Variants in ITGA6 observed in about 807,000 individuals in gnomAD.
ITGA6 encodes the protein integrin alpha-6.
Under a neutral mutation model 133.6 loss-of-function variants are expected in ITGA6, and 63 were observed. The ratio of observed to expected loss-of-function variants is 0.47; its 90% CI spans 0.38 to 0.58. ITGA6 has a LOEUF of 0.58. Among genes scored for constraint, ITGA6 ranks in the 20% least tolerant of loss-of-function variants. The probability of loss-of-function intolerance (pLI) is 0.00; values close to 1 mark genes in which losing one functional copy is unlikely to be tolerated. For synonymous variants in ITGA6, 434 were observed against 482.0 expected (o/e 0.90, Z 1.30); for missense variants, 1,068 against 1,309.4 (o/e 0.82, Z 2.85).
At chr2:172,479,944 C>A in intron 10 of ITGA6, 46 bp from the exon 11 acceptor site, 1 of 1,343,656 alleles carries the variant, frequency 7.4e-7, no homozygotes, top group Non-Finnish European at 1.1e-6. Context: ...GTTTTTTCCA[C>A]TGCAATAATG....
Position 172,501,827 on chromosome 2 carries a change from C to CT in ITGA6, c.3171dup (p.Glu1058Ter). ...CATTATGATGCCACATATCACAAGGCTGAGATCCATGCTCAGCCATCTGAT... is the reference window on the plus strand; with the variant it reads ...CATTATGATGCCACATATCACAAGGCTTGAGATCCATGCTCAGCCATCTGAT... On this transcript the variant is annotated frameshift_variant, in exon 25 of 26. Coordinates refer to ENST00000684293, the MANE Select transcript of ITGA6 (RefSeq NM_000210.4). LOFTEE classifies it high-confidence loss of function. 1.2e-6 allele frequency: 2 copies of CT among 1,611,920 alleles called. No individual in the cohort carries two copies. Among genetic ancestry groups the CT allele is most frequent in the Non-Finnish European group, 1.7e-6 (2 of 1,178,552 alleles).
chr2:172,496,132 C>A (rs1478427197), intron 23 of ITGA6, among the ~76,000 whole-genome samples: 2 of 152,312 alleles, frequency 1.3e-5, no homozygotes, highest in Admixed American at 1.3e-4. Flanking sequence ...GTCAGCTTAC[C>A]AACCACGTAA....
chr2:172,497,219 G>A (rs943913205), intron 23 of ITGA6, among the ~76,000 whole-genome samples: 1 of 152,116 alleles, frequency 6.6e-6, no homozygotes, highest in African/African-American at 2.4e-5. Flanking sequence ...TTAAAAGAAA[G>A]TATAGGCCAG....
chr2:172,450,661 G>A, intron 1 of ITGA6, among the ~76,000 whole-genome samples: 1 of 151,916 alleles, frequency 6.6e-6, no homozygotes, highest in Non-Finnish European at 1.5e-5. Context: ...CATTTAGTAA[G>A]ATAGAGAAGG....
At chr2:172,449,239 A>ATGAAGATACTTACCCCC (rs1430245949) in intron 1 of ITGA6, among the ~76,000 whole-genome samples, 1 of 152,206 alleles carries the variant, frequency 6.6e-6, no homozygotes, top group Admixed American at 6.5e-5. Flanking sequence ...ATTTTCTAGA[A>ATGAAGATACTTACCCCC]TGAAGATACT....
chr2:172,453,025 G>C (rs16860418), intron 1 of ITGA6, among the ~76,000 whole-genome samples: 1 of 152,118 alleles, frequency 6.6e-6, no homozygotes, highest in Non-Finnish European at 1.5e-5. Flanking sequence ...GGTGGGCCCC[G>C]TCACAGCATA....
Position 172,506,112 on chromosome 2 carries a change from T to TA in ITGA6, c.*2045dup, listed in dbSNP as rs2149113298. The stretch of plus-strand genomic sequence containing the variant: ...GCATTTGATACATTTTTGTACTAAC[T>TA]AGCATTGTAAAATTATTTCATGATT... On this transcript the variant is annotated 3_prime_UTR_variant, in exon 26 of 26. Transcript: ENST00000684293. The TA allele has an allele frequency of 6.5e-6, 1 of 152,778 alleles. No homozygotes were observed. Among genetic ancestry groups the TA allele is most frequent in the African/African-American group, 2.4e-5 (1 of 41,580 alleles). The allele number at this position is 152,778 out of a possible 1,614,324, so 9.5% of individuals were successfully genotyped here.
At chr2:172,431,741 C>A (rs940733860) in intron 1 of ITGA6, among the ~76,000 whole-genome samples, 1 of 152,082 alleles carries the variant, frequency 6.6e-6, no homozygotes, top group Non-Finnish European at 1.5e-5. Context: ...AAACGGGCAG[C>A]GAGACTTACA....
chr2:172,476,020 C>G (rs1559141037), intron 8 of ITGA6, among the ~76,000 whole-genome samples: 1 of 151,814 alleles, frequency 6.6e-6, no homozygotes, highest in East Asian at 1.9e-4. Flanking sequence ...ATTGGTCAAA[C>G]AAAATAAATG....
intron 1 of ITGA6, among the ~76,000 whole-genome samples, chr2:172,453,087 G>A (rs929161650): frequency 1.3e-5 from 2 of 152,206 alleles, no homozygotes; most frequent in Non-Finnish European, 1.5e-5. Context: ...CTGAATGAAA[G>A]AGTGGAGAGT....
chr2:172,436,884 T>C (rs1684344921), intron 1 of ITGA6, among the ~76,000 whole-genome samples: 1 of 152,322 alleles, frequency 6.6e-6, no homozygotes, highest in African/African-American at 2.4e-5. Context: ...ATAGTAATAA[T>C]TAATGCAGAA....
intron 1 of ITGA6, among the ~76,000 whole-genome samples, chr2:172,449,393 G>T (rs759217776): frequency 2.0e-5 from 3 of 152,036 alleles, no homozygotes; most frequent in Non-Finnish European, 4.4e-5. Context: ...TCTACCTAAG[G>T]TACCTAAGGT....
At chr2:172,436,556 A>G (rs1206600240) in intron 1 of ITGA6, among the ~76,000 whole-genome samples, 1 of 152,194 alleles carries the variant, frequency 6.6e-6, no homozygotes, top group African/African-American at 2.4e-5. Context: ...AGGTTTTTCA[A>G]TATCATAGAA....
chr2:172,463,824 T>C (rs926599205), intron 1 of ITGA6, among the ~76,000 whole-genome samples: 17 of 151,984 alleles, frequency 1.1e-4, no homozygotes, highest in Admixed American at 4.6e-4. Context: ...ATTTAACACA[T>C]TCACCTTATA....
intron 1 of ITGA6, 86 bp downstream of exon 1, chr2:172,428,056 C>T (rs915124596): frequency 7.0e-7 from 1 of 1,429,212 alleles, no homozygotes; most frequent in Non-Finnish European, 9.3e-7. Flanking sequence ...CCCGCCGGCC[C>T]CGGGGAGTAG....
At chr2:172,487,934 A>G in intron 17 of ITGA6, 27 bp from the exon 18 acceptor site, 1 of 1,600,518 alleles carries the variant, frequency 6.2e-7, no homozygotes, top group Non-Finnish European at 8.6e-7. Flanking sequence ...GTAAAATACA[A>G]CCCTATTGTT....
intron 1 of ITGA6, among the ~76,000 whole-genome samples, chr2:172,430,026 C>T (rs1337397267): frequency 1.3e-5 from 2 of 152,216 alleles, no homozygotes; most frequent in Non-Finnish European, 2.9e-5. Flanking sequence ...TTCCTAAACT[C>T]TATGGAAAAA....
chr2:172,431,945 T>G (rs1446084099), intron 1 of ITGA6, among the ~76,000 whole-genome samples: 1 of 152,242 alleles, frequency 6.6e-6, no homozygotes, highest in African/African-American at 2.4e-5. Context: ...GTGGTTATTC[T>G]GTGTTCTCAG....
rs1330212818 is a variant in ITGA6, at chr2:172,505,816, T to C, written c.*1748T>C. 6.6e-6 allele frequency: 1 copy of C among 152,622 alleles called. No individual in the cohort carries two copies. Among genetic ancestry groups the C allele is most frequent in the Non-Finnish European group, 1.5e-5 (1 of 68,028 alleles). The allele number at this position is 152,622 out of a possible 1,614,324, so 9.5% of individuals were successfully genotyped here. A position where few individuals can be genotyped will look rare whatever the true frequency, so the allele number is the denominator to read the frequency against. On this transcript the variant is annotated 3_prime_UTR_variant, in exon 26 of 26. Coordinates refer to ENST00000684293, the MANE Select transcript of ITGA6 (RefSeq NM_000210.4). ...GGAATTCTTAGTCACAAAATATATT[T>C]TGTTTACAAAAATTTCTGTAAAACA...
Sources: gnomAD v4.1 joint callset for allele counts (sites outside exome capture counted in the v4.1 genomes callset) on GRCh38, gnomAD v4.1.1 for gene constraint, MANE v1.5 for transcripts, NCBI Gene and HGNC (gene_info 2026-07-23, HGNC 2026-07-21) for gene names.